Variants in PLCB1 observed in about 807,000 individuals in gnomAD.
PLCB1 encodes the protein phospholipase C beta 1.
In PLCB1, 46 loss-of-function variants were observed where a neutral mutation model predicts 161.8. The observed-to-expected ratio is 0.28, with a 90% CI of 0.22 to 0.36. The LOEUF is 0.36. PLCB1 is among the 10% of genes least tolerant of loss of function. PLCB1 has a pLI of 1.00. For synonymous variants in PLCB1, 517 were observed against 503.7 expected, an observed-to-expected ratio of 1.03 and a Z score of -0.35; for missense variants, 1,016 against 1,472.5, an observed-to-expected ratio of 0.69 and a Z score of 5.07.
chr20:8,716,101 A>C, intron 12 of PLCB1, 163 bp from the exon 13 acceptor site: 1 of 622,006 alleles, frequency 1.6e-6, no homozygotes. Flanking sequence ...ATGTTATTCA[A>C]ATTCACATAA....
At chr20:8,361,819 A>C (rs1229816380) in intron 2 of PLCB1, among the ~76,000 whole-genome samples, 1 of 152,218 alleles carries the variant, frequency 6.6e-6, no homozygotes, top group Non-Finnish European at 1.5e-5. Flanking sequence ...TTTCAAGTGG[A>C]AACAGCTTGT....
chr20:8,757,865 G>GAATA lies in PLCB1; in HGVS notation c.2656+714_2656+717dup, dbSNP rs147856693. Among the ~76,000 whole-genome samples the GAATA allele has an allele frequency of 2.3e-3, 347 of 148,860 alleles. 2 individuals are homozygous for GAATA. The highest frequency in any genetic ancestry group is 6.0e-3 in the African/African-American group (241 of 40,380). On this transcript the variant is annotated intron_variant, in intron 24 of 31. Transcript: ENST00000338037. Reference sequence around the variant, plus strand: ...GTCTCATTTCTCAAAATGAATAAATGAATAAATAAATAAATAAATAAATAA... The same window carrying GAATA: ...GTCTCATTTCTCAAAATGAATAAATGAATAAATAAATAAATAAATAAATAAATAA...
chr20:8,844,932 A>T (rs1986636741), intron 31 of PLCB1, among the ~76,000 whole-genome samples: 1 of 151,878 alleles, frequency 6.6e-6, no homozygotes, highest in Admixed American at 6.6e-5. Context: ...AACATGGTGA[A>T]ACCCCATCTC....
chr20:8,257,093 T>C (rs952828835), intron 2 of PLCB1, among the ~76,000 whole-genome samples: 2 of 152,168 alleles, frequency 1.3e-5, no homozygotes, highest in African/African-American at 4.8e-5. Flanking sequence ...TCTCCAGAGA[T>C]ACCTCTAAAA....
chr20:8,196,896 C>T (rs1383185483), intron 2 of PLCB1, among the ~76,000 whole-genome samples: 1 of 151,640 alleles, frequency 6.6e-6, no homozygotes, highest in African/African-American at 2.4e-5. Flanking sequence ...TCAATTCCCA[C>T]CTGTGAGTGA....
intron 31 of PLCB1, among the ~76,000 whole-genome samples, chr20:8,806,831 C>T (rs1479652391): frequency 4.6e-5 from 7 of 152,134 alleles, no homozygotes; most frequent in Admixed American, 1.3e-4. Context: ...GAAACGTCTC[C>T]GTTTAGATTG....
intron 3 of PLCB1, among the ~76,000 whole-genome samples, chr20:8,396,338 T>C (rs61003357): frequency 0.018 from 2,710 of 152,152 alleles, 92 homozygotes; most frequent in African/African-American, 0.062. Context: ...TTTCTTTTAA[T>C]CCAACCAAAA....
At chr20:8,696,275 A>G (rs916699428) in intron 10 of PLCB1, among the ~76,000 whole-genome samples, 1 of 152,196 alleles carries the variant, frequency 6.6e-6, no homozygotes, top group Non-Finnish European at 1.5e-5. Flanking sequence ...TTCTGCACTT[A>G]ATTGTCTTGG....
At chr20:8,511,235 C>T (rs917353649) in intron 3 of PLCB1, among the ~76,000 whole-genome samples, 1 of 152,188 alleles carries the variant, frequency 6.6e-6, no homozygotes, top group East Asian at 1.9e-4. Flanking sequence ...ACTTATCTTT[C>T]TCTACCTGGC....
At chr20:8,391,648 T>C (rs1185364205) in intron 3 of PLCB1, among the ~76,000 whole-genome samples, 1 of 151,818 alleles carries the variant, frequency 6.6e-6, no homozygotes, top group Non-Finnish European at 1.5e-5. Context: ...AGTTGGATTT[T>C]AACTGGTAAC....
At chr20:8,169,925 C>G (rs928409957) in intron 2 of PLCB1, among the ~76,000 whole-genome samples, 1 of 152,148 alleles carries the variant, frequency 6.6e-6, no homozygotes, top group Non-Finnish European at 1.5e-5. Flanking sequence ...ACTGAATTCT[C>G]GACCCTTTGA....
chr20:8,184,714 G>A (rs1417969704), intron 2 of PLCB1, among the ~76,000 whole-genome samples: 2 of 150,686 alleles, frequency 1.3e-5, no homozygotes, highest in African/African-American at 2.4e-5. Flanking sequence ...TAACCACACT[G>A]AGTTTCCATT....
intron 3 of PLCB1, among the ~76,000 whole-genome samples, chr20:8,435,546 C>T (rs933435905): frequency 3.9e-5 from 6 of 152,128 alleles, no homozygotes; most frequent in Non-Finnish European, 8.8e-5. Context: ...GAGAAGCCTA[C>T]ATATCAAGGA....
chr20:8,353,318 A>C (rs1356373173), intron 2 of PLCB1, among the ~76,000 whole-genome samples: 2 of 152,164 alleles, frequency 1.3e-5, no homozygotes, highest in Non-Finnish European at 2.9e-5. Context: ...ACATTATTAT[A>C]AATCAGTCAT....
chr20:8,472,751 G>C (rs1270046770), intron 3 of PLCB1, among the ~76,000 whole-genome samples: 1 of 152,126 alleles, frequency 6.6e-6, no homozygotes, highest in Non-Finnish European at 1.5e-5. Flanking sequence ...TTGAAGAGTA[G>C]CCAATTAGAG....
intron 3 of PLCB1, among the ~76,000 whole-genome samples, chr20:8,612,494 G>C (rs1177246534): frequency 1.3e-5 from 2 of 152,128 alleles, no homozygotes; most frequent in African/African-American, 4.8e-5. Flanking sequence ...AAATTCCAGA[G>C]GTTTCACCAG....
Position 8,635,026 on chromosome 20 carries a change from G to A in PLCB1, c.384+6595G>A, listed in dbSNP as rs550498781. Among the ~76,000 whole-genome samples, 34 of 151,780 alleles carry A rather than the reference G, an allele frequency of 2.2e-4. No homozygotes were observed. The South Asian group carries it at 2.5e-3, about 11-fold the overall frequency. Reference sequence around the variant, plus strand: ...CATCAACTCAGTTCATCCATCTCTCGCTCTATCTCATGACTTCCATGCATA... The same window carrying A: ...CATCAACTCAGTTCATCCATCTCTCACTCTATCTCATGACTTCCATGCATA... On this transcript the variant is annotated intron_variant, in intron 4 of 31. Coordinates refer to ENST00000338037, the MANE Select transcript of PLCB1 (RefSeq NM_015192.4).
intron 31 of PLCB1, chr20:8,792,804 G>C (rs1600331883): frequency 5.6e-6 from 2 of 358,206 alleles, no homozygotes; most frequent in East Asian, 1.5e-4. Context: ...TGTAGGACAT[G>C]GTGGTTAATA....
intron 2 of PLCB1, among the ~76,000 whole-genome samples, chr20:8,332,759 A>G (rs1208628217): frequency 6.6e-6 from 1 of 152,216 alleles, no homozygotes; most frequent in African/African-American, 2.4e-5. Flanking sequence ...CTCTCAACTC[A>G]TAGCCAGAGT....
Sources: gnomAD v4.1 joint callset for allele counts (sites outside exome capture counted in the v4.1 genomes callset) on GRCh38, gnomAD v4.1.1 for gene constraint, MANE v1.5 for transcripts, NCBI Gene and HGNC (gene_info 2026-07-23, HGNC 2026-07-21) for gene names.